FSTL4: variants seen among roughly 807,000 people sequenced by gnomAD.
FSTL4 encodes follistatin-related protein 4.
A neutral mutation model predicts 78.2 loss-of-function variants in FSTL4; 28 were observed. The observed-to-expected ratio is 0.36, with a 90% confidence interval of 0.27 to 0.49. FSTL4 has a LOEUF of 0.49. Among genes scored for constraint, FSTL4 ranks in the 20% least tolerant of loss-of-function variants. The pLI is 0.98. For synonymous variants in FSTL4, 422 were observed against 440.5 expected, an observed-to-expected ratio of 0.96 and a Z score of 0.53; for missense variants, 922 against 1,084.9, an observed-to-expected ratio of 0.85 and a Z score of 2.11.
intron 3 of FSTL4, among the ~76,000 whole-genome samples, chr5:133,528,641 G>A (rs533437715): frequency 7.2e-5 from 11 of 151,984 alleles, no homozygotes; most frequent in African/African-American, 2.7e-4. Flanking sequence ...GAGTTGTGCT[G>A]CTGAGACACC....
At chr5:133,800,430 A>G in the FSTL4 span, among the ~76,000 whole-genome samples, 21 of 138,782 alleles carry the variant, frequency 1.5e-4, 4 homozygotes, top group African/African-American at 5.5e-4. Flanking sequence ...ACGATAGCTG[A>G]TGAGCTTTAA....
At chr5:133,734,984 G>C in the FSTL4 span, among the ~76,000 whole-genome samples, 1 of 152,254 alleles carries the variant, frequency 6.6e-6, no homozygotes, top group Admixed American at 6.5e-5. Context: ...CAAAGAACAG[G>C]GGGCCCCATG....
the FSTL4 span, among the ~76,000 whole-genome samples, chr5:133,762,294 A>T: frequency 6.6e-6 from 1 of 152,124 alleles, no homozygotes; most frequent in Admixed American, 6.5e-5. Flanking sequence ...TTTTAAAGGG[A>T]CCTACGGTGA....
chr5:133,713,206 C>G, the FSTL4 span, among the ~76,000 whole-genome samples: 1 of 152,122 alleles, frequency 6.6e-6, no homozygotes, highest in Non-Finnish European at 1.5e-5. Flanking sequence ...GATATGTTTA[C>G]TTTTATATTT....
chr5:133,819,920 C>T, the FSTL4 span, among the ~76,000 whole-genome samples: 1 of 152,156 alleles, frequency 6.6e-6, no homozygotes, highest in African/African-American at 2.4e-5. Flanking sequence ...ACAGCAGCCC[C>T]ATCGGGCATT....
At chr5:133,298,706 T>C (rs1225558264) in intron 6 of FSTL4, among the ~76,000 whole-genome samples, 1 of 152,236 alleles carries the variant, frequency 6.6e-6, no homozygotes, top group East Asian at 1.9e-4. Flanking sequence ...TGCTGATTCA[T>C]GTGGCACCTG....
upstream of FSTL4, among the ~76,000 whole-genome samples, chr5:133,613,381 C>T (rs1187019538): frequency 6.6e-6 from 1 of 152,194 alleles, no homozygotes; most frequent in Non-Finnish European, 1.5e-5. Flanking sequence ...GCTCTGGCTG[C>T]GTGGGCACCA....
chr5:133,599,224 G>A (rs796990316), intron 2 of FSTL4, among the ~76,000 whole-genome samples: 3 of 152,304 alleles, frequency 2.0e-5, no homozygotes, highest in African/African-American at 7.2e-5. Flanking sequence ...CAGCCAAGGC[G>A]GAACGAAGCC....
the FSTL4 span, among the ~76,000 whole-genome samples, chr5:133,743,761 C>T: frequency 6.6e-6 from 1 of 152,166 alleles, no homozygotes; most frequent in South Asian, 2.1e-4. Flanking sequence ...GATGAATATT[C>T]ATTGCCTGCC....
At chr5:133,575,778 T>C (rs1760263539) in intron 2 of FSTL4, among the ~76,000 whole-genome samples, 1 of 152,234 alleles carries the variant, frequency 6.6e-6, no homozygotes, top group Non-Finnish European at 1.5e-5. Flanking sequence ...TGGTTATAAA[T>C]GAGACTTAGT....
In FSTL4 at chr5:133,600,533, C is replaced by T. The variant is rs547418919; in HGVS notation, c.126+3325G>A. Reference sequence around the variant, plus strand: ...TTCTAGGGCACGTTCTGCCACTCCACTCTTATGAAAGAGGCACTCCACCCA... The same window carrying T: ...TTCTAGGGCACGTTCTGCCACTCCATTCTTATGAAAGAGGCACTCCACCCA... On this transcript the variant is annotated intron_variant, in intron 2 of 15. Coordinates refer to ENST00000265342, the MANE Select transcript of FSTL4 (RefSeq NM_015082.2). 6.6e-5 allele frequency among the ~76,000 whole-genome samples: 10 copies of T among 152,322 alleles called. No homozygotes were observed. In the South Asian group the frequency reaches 2.1e-3, roughly 32 times the overall value.
the FSTL4 span, among the ~76,000 whole-genome samples, chr5:133,658,049 G>A: frequency 6.6e-6 from 1 of 152,016 alleles, no homozygotes; most frequent in African/African-American, 2.4e-5. Context: ...CTCCTAAAAT[G>A]ATCATGAGAT....
intron 8 of FSTL4, among the ~76,000 whole-genome samples, chr5:133,231,563 G>A (rs144413633): frequency 1.3e-5 from 2 of 152,206 alleles, no homozygotes; most frequent in Admixed American, 6.5e-5. Context: ...TTTTCTTTGA[G>A]ATAGAGTCTC....
At chr5:133,841,560 TTC>T in the FSTL4 span, among the ~76,000 whole-genome samples, 1 of 150,390 alleles carries the variant, frequency 6.6e-6, no homozygotes, top group Non-Finnish European at 1.5e-5. Context: ...CACATGTCCA[TTC>T]TCTCTTTTGG....
the FSTL4 span, among the ~76,000 whole-genome samples, chr5:133,631,012 A>T: frequency 6.6e-6 from 1 of 152,216 alleles, no homozygotes; most frequent in African/African-American, 2.4e-5. Context: ...TGGATTAAAG[A>T]CTTAAACGTA....
the FSTL4 span, among the ~76,000 whole-genome samples, chr5:133,716,434 A>G: frequency 1.3e-5 from 2 of 151,810 alleles, no homozygotes; most frequent in African/African-American, 4.8e-5. Context: ...AAGACTTAAC[A>G]TGGCAGAAAT....
In FSTL4 at chr5:133,282,636, C is replaced by T. The variant is rs114964776; in HGVS notation, c.727+30018G>A. Among the ~76,000 whole-genome samples the T allele has an allele frequency of 3.4e-3, 521 of 152,290 alleles. 2 individuals carry two copies. Among genetic ancestry groups the T allele is most frequent in the African/African-American group, 0.012 (499 of 41,560 alleles). On this transcript the variant is annotated intron_variant, in intron 6 of 15. Coordinates refer to ENST00000265342, the MANE Select transcript of FSTL4 (RefSeq NM_015082.2). ...CTGGGAATGACAGCCATCCCCTCTT[C>T]GTGCCCTGGGGGCTGGGACTGCTCT...
chr5:133,259,200 G>A (rs571538634), intron 6 of FSTL4, among the ~76,000 whole-genome samples: 2 of 150,604 alleles, frequency 1.3e-5, no homozygotes, highest in Non-Finnish European at 1.5e-5. Context: ...GTGCTGGTGT[G>A]GCGGAAAGCC....
chr5:133,712,828 G>A, the FSTL4 span, among the ~76,000 whole-genome samples: 25 of 151,788 alleles, frequency 1.6e-4, no homozygotes, highest in South Asian at 4.8e-3. Flanking sequence ...GTGGCATCTG[G>A]AGGGTCAGGA....
Sources: allele counts gnomAD v4.1 joint callset (sites outside exome capture counted in the v4.1 genomes callset), GRCh38; gene constraint gnomAD v4.1.1; transcripts MANE v1.5; gene names NCBI Gene and HGNC (gene_info 2026-07-23, HGNC 2026-07-21).